Variants in CCDC102B observed in about 807,000 individuals in gnomAD.
CCDC102B encodes the protein coiled-coil domain containing 102B.
CCDC102B carries 75 observed loss-of-function variants against 57.4 expected under a neutral mutation model. The ratio of observed to expected loss-of-function variants is 1.31; its 90% CI spans 1.08 to 1.58. The LOEUF (loss-of-function observed/expected upper bound fraction) is 1.58, where lower values mean the gene tolerates loss of function less well. CCDC102B is among the 40% of genes most tolerant of loss of function. CCDC102B has a pLI of 0.00. For synonymous variants in CCDC102B, 206 were observed against 201.9 expected, an observed-to-expected ratio of 1.02 and a Z score of -0.17; for missense variants, 636 against 582.6, an observed-to-expected ratio of 1.09 and a Z score of -0.94.
At position 68,956,536 on chromosome 18, in the gene CCDC102B, ATT is replaced by A. The variant is rs1568352635; in HGVS notation, c.1264-54395_1264-54394del. The stretch of plus-strand genomic sequence containing the variant: ...ATATCGCATATTATATATATTATAT[ATT>A]TTATATATATAAATATTATATATAT... On this transcript the variant is annotated intron_variant, in intron 6 of 7. Coordinates refer to ENST00000360242, the MANE Select transcript of CCDC102B (RefSeq NM_024781.3). Among the ~76,000 whole-genome samples, 182 of 8,510 alleles carry A rather than the reference ATT, an allele frequency of 0.021. 32 individuals are homozygous for A. The East Asian group carries it at 0.44, about 21-fold the overall frequency. 5.6% of individuals were successfully genotyped at this position (8,510 alleles called of 152,430 possible). A position where few individuals can be genotyped will look rare whatever the true frequency, so the allele number is the denominator to read the frequency against.
chr18:68,813,162 A>G (rs2036334921), intron 1 of CCDC102B, among the ~76,000 whole-genome samples: 4 of 151,196 alleles, frequency 2.6e-5, no homozygotes, highest in Admixed American at 2.6e-4. Flanking sequence ...TTGTTTGATA[A>G]ATGTATGGCA....
chr18:68,840,606 A>G (rs1285373775), intron 3 of CCDC102B, among the ~76,000 whole-genome samples: 1 of 152,160 alleles, frequency 6.6e-6, no homozygotes, highest in African/African-American at 2.4e-5. Context: ...CATAGTGACA[A>G]TTTTATCTAG....
intron 1 of CCDC102B, chr18:68,798,531 G>C (rs1207605088): frequency 6.6e-6 from 1 of 152,138 alleles, no homozygotes; most frequent in Non-Finnish European, 1.5e-5. Context: ...CCAAATGAAT[G>C]TGAATTAGTC....
chr18:68,911,131 C>A (rs1215817035), intron 6 of CCDC102B, among the ~76,000 whole-genome samples: 1 of 152,196 alleles, frequency 6.6e-6, no homozygotes, highest in Admixed American at 6.5e-5. Context: ...AAGACACATG[C>A]ATGCATCTGT....
intron 6 of CCDC102B, among the ~76,000 whole-genome samples, chr18:68,924,129 T>TC (rs34418145): frequency 0.26 from 38,740 of 149,284 alleles, 6,372 homozygotes; most frequent in Non-Finnish European, 0.36. Context: ...TTTCCCTTCT[T>TC]CCCCCCCAAA....
intron 7 of CCDC102B, among the ~76,000 whole-genome samples, chr18:69,027,311 T>A (rs2052019334): frequency 6.6e-6 from 1 of 152,204 alleles, no homozygotes; most frequent in Non-Finnish European, 1.5e-5. Flanking sequence ...GCAACTCTGC[T>A]TCTTGACATT....
rs1306154247 is a variant in CCDC102B, at chr18:68,786,997, G to A, written c.-66-36369G>A. 6.6e-5 allele frequency among the ~76,000 whole-genome samples: 10 copies of A among 152,030 alleles called. No homozygotes were observed. In the East Asian group the frequency reaches 1.2e-3, roughly 18 times the overall value. On this transcript the variant is annotated intron_variant, in intron 2 of 3. Coordinates refer to the CCDC102B transcript ENST00000578970. ...GATGGCTCTTATTATTTTGAGATAC[G>A]TCCCATCAATACCTAATTTATTGAG...
intron 6 of CCDC102B, among the ~76,000 whole-genome samples, chr18:68,971,557 TAATTAA>T (rs1281678334): frequency 6.6e-6 from 1 of 152,142 alleles, no homozygotes; most frequent in African/African-American, 2.4e-5. Context: ...TGTGCACCAA[TAATTAA>T]TCTGCCCCTT....
intron 6 of CCDC102B, among the ~76,000 whole-genome samples, chr18:68,935,326 G>GA (rs1316103885): frequency 6.6e-6 from 1 of 151,990 alleles, no homozygotes; most frequent in Non-Finnish European, 1.5e-5. Flanking sequence ...GGATGAGAGA[G>GA]AACGTGAGGA....
intron 1 of CCDC102B, among the ~76,000 whole-genome samples, chr18:68,815,118 T>G (rs1174466500): frequency 6.6e-5 from 10 of 152,190 alleles, no homozygotes; most frequent in Non-Finnish European, 1.0e-4. Context: ...CATGATTTTT[T>G]ATTTGCTTGT....
intron 6 of CCDC102B, among the ~76,000 whole-genome samples, chr18:68,938,281 T>C (rs1338874589): frequency 6.6e-6 from 1 of 152,102 alleles, no homozygotes; most frequent in East Asian, 1.9e-4. Flanking sequence ...AGAGAACATA[T>C]GATTATGACA....
At chr18:68,892,035 C>T (rs758769895) in intron 5 of CCDC102B, among the ~76,000 whole-genome samples, 5 of 152,056 alleles carry the variant, frequency 3.3e-5, no homozygotes, top group Non-Finnish European at 7.4e-5. Flanking sequence ...TTGTAATATG[C>T]CCTCTTTTGT....
intron 4 of CCDC102B, among the ~76,000 whole-genome samples, chr18:68,873,858 AAATATAT>A (rs1351512878): frequency 7.2e-5 from 11 of 151,768 alleles, no homozygotes; most frequent in Non-Finnish European, 1.5e-5. Context: ...ACATAGCTTA[AAATATAT>A]GTCAATACAA....
chr18:68,790,632 G>A (rs1021801120), intron 2 of CCDC102B, among the ~76,000 whole-genome samples: 1 of 152,160 alleles, frequency 6.6e-6, no homozygotes, highest in Non-Finnish European at 1.5e-5. Flanking sequence ...CTCGGAAAGG[G>A]AACTCCCTGA....
chr18:68,988,678 T>G (rs1325956923), intron 6 of CCDC102B, among the ~76,000 whole-genome samples: 3 of 152,342 alleles, frequency 2.0e-5, no homozygotes, highest in South Asian at 2.1e-4. Flanking sequence ...AAAAACTTCA[T>G]GATTATGTCA....
At chr18:68,989,763 G>A (rs754931061) in intron 6 of CCDC102B, among the ~76,000 whole-genome samples, 1 of 152,164 alleles carries the variant, frequency 6.6e-6, no homozygotes, top group Non-Finnish European at 1.5e-5. Context: ...TTGTGGACTG[G>A]TGCTACTGTT....
upstream of CCDC102B, among the ~76,000 whole-genome samples, chr18:68,794,973 G>T (rs142524421): frequency 6.8e-6 from 1 of 148,144 alleles, no homozygotes; most frequent in African/African-American, 2.5e-5. Flanking sequence ...GTAAGACAGT[G>T]CCCTCCATAT....
At chr18:68,763,810 C>A (rs2034335894) in intron 2 of CCDC102B, among the ~76,000 whole-genome samples, 1 of 150,536 alleles carries the variant, frequency 6.6e-6, no homozygotes, top group African/African-American at 2.5e-5. Flanking sequence ...TTTTTTTCCC[C>A]TTGTGTTAAC....
At chr18:68,969,197 A>G (rs1165528074) in intron 6 of CCDC102B, among the ~76,000 whole-genome samples, 1 of 152,126 alleles carries the variant, frequency 6.6e-6, no homozygotes, top group African/African-American at 2.4e-5. Flanking sequence ...AGCCCCATCC[A>G]GGTTCCTGAC....
Sources: allele counts gnomAD v4.1 joint callset (sites outside exome capture counted in the v4.1 genomes callset), GRCh38; gene constraint gnomAD v4.1.1; transcripts MANE v1.5; gene names NCBI Gene and HGNC (gene_info 2026-07-23, HGNC 2026-07-21).